Variants in PODXL observed in about 807,000 individuals in gnomAD.
PODXL encodes podocalyxin.
A neutral mutation model predicts 48.9 loss-of-function variants in PODXL; 20 were observed. The ratio of observed to expected loss-of-function variants is 0.41; its 90% confidence interval spans 0.29 to 0.59. The LOEUF (loss-of-function observed/expected upper bound fraction) is 0.59, where lower values mean the gene tolerates loss of function less well. PODXL is among the 20% of genes least tolerant of loss of function. The pLI, the probability that PODXL is intolerant of heterozygous loss-of-function variation, is 0.31. For missense variants in PODXL, 606 were observed against 675.1 expected (o/e 0.90, Z 1.13); for synonymous variants, 295 against 287.4 (o/e 1.03, Z -0.27).
At chr7:131,527,700 G>A (rs9649034) in intron 1 of PODXL, among the ~76,000 whole-genome samples, 80,715 of 152,140 alleles carry the variant, frequency 0.53, 25,399 homozygotes, top group Admixed American at 0.69. Context: ...AGAGACATAC[G>A]GCAGCAGCTG....
intron 1 of PODXL, among the ~76,000 whole-genome samples, chr7:131,530,829 C>A (rs188812169): frequency 6.6e-6 from 1 of 150,842 alleles, no homozygotes; most frequent in Non-Finnish European, 1.5e-5. Context: ...GAGGCCAAGG[C>A]GGGTGGATCA....
Position 131,500,953 on chromosome 7 carries a change from T to C in PODXL, c.*3358A>G, listed in dbSNP as rs1797690482. 1 of 152,150 alleles carries C rather than the reference T, an allele frequency of 6.6e-6. No individual in the cohort carries two copies. The highest frequency in any genetic ancestry group is 2.1e-4 in the South Asian group (1 of 4,832). 9.4% of individuals were successfully genotyped at this position (152,150 alleles called of 1,614,324 possible). On this transcript the variant is annotated 3_prime_UTR_variant, in exon 9 of 9. Coordinates refer to ENST00000378555, the MANE Select transcript of PODXL (RefSeq NM_001018111.3). ...CTTCATCTTTGTGAGCTTCAGATTA[T>C]CTTTTTCTCTAGAAAAAGATTGGAC... is the stretch of plus-strand genomic sequence containing the variant.
At chr7:131,519,208 A>C (rs1158579597) in intron 1 of PODXL, among the ~76,000 whole-genome samples, 1 of 152,162 alleles carries the variant, frequency 6.6e-6, no homozygotes, top group East Asian at 1.9e-4. Flanking sequence ...TTCTCCTGTC[A>C]CTGTCCAGTT....
intron 6 of PODXL, 51 bp downstream of exon 6, chr7:131,506,528 C>G (rs1344666367): frequency 6.3e-7 from 1 of 1,586,044 alleles, no homozygotes; most frequent in South Asian, 1.1e-5. Flanking sequence ...TGCATGCCCC[C>G]CATTCCCACC....
Position 131,523,691 on chromosome 7 carries a change from A to G in PODXL, c.101-12258T>C, listed in dbSNP as rs550831450. Among the ~76,000 whole-genome samples, 1,446 of 147,964 alleles carry G rather than the reference A, an allele frequency of 9.8e-3. 50 individuals carry two copies. Among genetic ancestry groups the G allele is most frequent in the African/African-American group, 0.035 (1,352 of 39,012 alleles). The stretch of plus-strand genomic sequence containing the variant: ...GAGAATCCGTCTCAAAAAAAAAAAA[A>G]AAAAAAAAAAACAAGAAAAGAAAAA... On this transcript the variant is annotated intron_variant, in intron 1 of 8. Coordinates refer to ENST00000378555, the MANE Select transcript of PODXL (RefSeq NM_001018111.3).
chr7:131,529,266 G>A (rs1798234805), intron 1 of PODXL, among the ~76,000 whole-genome samples: 1 of 152,116 alleles, frequency 6.6e-6, no homozygotes, highest in Non-Finnish European at 1.5e-5. Context: ...TGACATTCCT[G>A]CTGATGTTGA....
At chr7:131,543,493 G>A (rs1289809367) in intron 1 of PODXL, among the ~76,000 whole-genome samples, 1 of 152,082 alleles carries the variant, frequency 6.6e-6, no homozygotes, top group Non-Finnish European at 1.5e-5. Context: ...GAGTCATAAT[G>A]TTACAGCTAG....
intron 1 of PODXL, among the ~76,000 whole-genome samples, chr7:131,551,391 G>A (rs1316266278): frequency 1.3e-5 from 2 of 152,214 alleles, no homozygotes; most frequent in Non-Finnish European, 2.9e-5. Flanking sequence ...CCTGGCTGAG[G>A]TCCAGTGAAA....
Position 131,501,226 on chromosome 7 carries a change from C to T in PODXL, c.*3085G>A, listed in dbSNP as rs1797697762. On this transcript the variant is annotated 3_prime_UTR_variant, in exon 9 of 9. Transcript: ENST00000378555. ...CAAAAACTTGTCATTTCCAGTAAGA[C>T]ATTTACATTCCTGTCCAGAGAAAAA... The T allele has an allele frequency of 6.6e-6, 1 of 152,154 alleles. No homozygotes were observed. The highest frequency in any genetic ancestry group is 2.1e-4 in the South Asian group (1 of 4,814). The allele number at this position is 152,154 out of a possible 1,614,324, so 9.4% of individuals were successfully genotyped here.
intron 1 of PODXL, among the ~76,000 whole-genome samples, chr7:131,542,296 C>T (rs1054617568): frequency 2.0e-5 from 3 of 152,138 alleles, no homozygotes; most frequent in African/African-American, 7.2e-5. Flanking sequence ...GTGCAGAGGC[C>T]CAGATGTCTA....
At chr7:131,530,949 T>C (rs771476061) in intron 1 of PODXL, among the ~76,000 whole-genome samples, 5 of 151,946 alleles carry the variant, frequency 3.3e-5, no homozygotes, top group Non-Finnish European at 5.9e-5. Flanking sequence ...TCCCAGCTAC[T>C]CGGGAGGCTG....
intron 4 of PODXL, 112 bp downstream of exon 4, chr7:131,509,253 C>G: frequency 1.8e-5 from 17 of 944,934 alleles, no homozygotes; most frequent in Non-Finnish European, 2.9e-5. Flanking sequence ...AAGTGCTGCT[C>G]AAAGCCCCAG....
At chr7:131,519,726 CTTTCT>C (rs1396189127) in intron 1 of PODXL, among the ~76,000 whole-genome samples, 1 of 151,948 alleles carries the variant, frequency 6.6e-6, no homozygotes, top group Admixed American at 6.6e-5. Flanking sequence ...AGACAAATTT[CTTTCT>C]TTTTTTTATT....
chr7:131,521,778 C>T (rs570913831), intron 1 of PODXL, among the ~76,000 whole-genome samples: 11 of 152,268 alleles, frequency 7.2e-5, no homozygotes, highest in Admixed American at 1.3e-4. Context: ...CATAGGAAGC[C>T]TTGAAAAAGC....
chr7:131,536,434 C>T (rs1798374869), intron 1 of PODXL, among the ~76,000 whole-genome samples: 1 of 152,126 alleles, frequency 6.6e-6, no homozygotes, highest in Non-Finnish European at 1.5e-5. Flanking sequence ...CTGTTTCTCT[C>T]GTATCCCTGG....
At chr7:131,549,331 G>A (rs1798632994) in intron 1 of PODXL, among the ~76,000 whole-genome samples, 1 of 152,118 alleles carries the variant, frequency 6.6e-6, no homozygotes. Flanking sequence ...TCTCTGGAAT[G>A]GTCTGTGAGA....
At chr7:131,505,805 G>A (rs544517028) in intron 8 of PODXL, 63 bp downstream of exon 8, 35 of 1,447,606 alleles carry the variant, frequency 2.4e-5, no homozygotes, top group Middle Eastern at 4.2e-4. Context: ...CGGGAATCAC[G>A]AGGGGAGGGT....
chr7:131,526,674 G>C (rs1420748413), intron 1 of PODXL, among the ~76,000 whole-genome samples: 48 of 150,808 alleles, frequency 3.2e-4, no homozygotes, highest in Non-Finnish European at 1.0e-4. Context: ...CTTTGGAAAA[G>C]AGTGTGGCAT....
chr7:131,506,843 C>A, intron 5 of PODXL, 117 bp from the exon 6 acceptor site: 2 of 1,095,902 alleles, frequency 1.8e-6, no homozygotes, highest in Non-Finnish European at 2.7e-6. Context: ...AACCTGCCTC[C>A]CTCTCTAGCC....
Sources: allele counts gnomAD v4.1 joint callset (sites outside exome capture counted in the v4.1 genomes callset), GRCh38; gene constraint gnomAD v4.1.1; transcripts MANE v1.5; gene names NCBI Gene and HGNC (gene_info 2026-07-23, HGNC 2026-07-21).